The following TRIM26 variants were observed in gnomAD, a reference collection of about 807,000 sequenced individuals.
TRIM26 encodes the protein tripartite motif-containing protein 26.
In TRIM26, 16 loss-of-function variants were observed where a neutral mutation model predicts 45.5. The observed-to-expected ratio is 0.35, with a 90% CI of 0.24 to 0.53. The LOEUF is 0.53. Ranked by LOEUF, TRIM26 falls within the 20% of genes least tolerant of loss-of-function variation. The probability of loss-of-function intolerance (pLI) is 0.92; values close to 1 mark genes in which losing one functional copy is unlikely to be tolerated. For missense variants in TRIM26, 442 were observed against 691.1 expected (o/e 0.64, Z 4.04); for synonymous variants, 273 against 290.4 (o/e 0.94, Z 0.61).
chr6:30,208,878 C>T (rs1321823478), intron 1 of TRIM26, among the ~76,000 whole-genome samples: 3 of 148,064 alleles, frequency 2.0e-5, no homozygotes, highest in South Asian at 4.3e-4. Context: ...TTAATTTTTG[C>T]CACTCTGGAG....
Position 30,189,149 on chromosome 6 carries a change from C to A in TRIM26, c.937+18G>T. 6.2e-7 allele frequency: 1 copy of A among 1,608,898 alleles called. No homozygotes were observed. The highest frequency in any genetic ancestry group is 8.5e-7 in the Non-Finnish European group (1 of 1,178,812). On this transcript the variant is annotated intron_variant, in intron 9 of 9. Coordinates refer to ENST00000454678, the MANE Select transcript of TRIM26 (RefSeq NM_003449.5). This position sits in a 1 kb window ranked among gnomAD's most constrained non-coding sequence, Gnocchi z 5.0. ...CTATATTTGATGTACATCTGGGAAA[C>A]ACCCTCTAGACACTCACCTGTCTTA...
At chr6:30,195,324 G>A (rs1033693539) in intron 6 of TRIM26, among the ~76,000 whole-genome samples, 1 of 152,154 alleles carries the variant, frequency 6.6e-6, no homozygotes, top group Admixed American at 6.5e-5. Flanking sequence ...AGTATGACGA[G>A]AGAAATCTGA....
rs1777803811 is a variant in TRIM26, at chr6:30,207,084, G to C, written c.-375-2319C>G. ...GAAATCATCCGCCGGAGAAAGGGTA[G>C]CGGTGAATTTGAGGAGCTGACAATT... On this transcript the variant is annotated intron_variant, in intron 1 of 9. Transcript: ENST00000454678. This position sits in a 1 kb window ranked among gnomAD's most constrained non-coding sequence, Gnocchi z 4.9. Among the ~76,000 whole-genome samples, 1 of 152,220 alleles carries C rather than the reference G, an allele frequency of 6.6e-6. No individual in the cohort carries two copies. Among genetic ancestry groups the C allele is most frequent in the African/African-American group, 2.4e-5 (1 of 41,462 alleles).
Position 30,190,239 on chromosome 6 carries a change from A to G in TRIM26, c.766-204T>C, listed in dbSNP as rs1309373832. 3.2e-6 allele frequency: 2 copies of G among 625,546 alleles called. No individual in the cohort carries two copies. Among genetic ancestry groups the G allele is most frequent in the Non-Finnish European group, 5.7e-6 (2 of 353,372 alleles). 38.7% of individuals were successfully genotyped at this position (625,546 alleles called of 1,614,324 possible). A position where few individuals can be genotyped will look rare whatever the true frequency, so the allele number is the denominator to read the frequency against. The stretch of plus-strand genomic sequence containing the variant: ...AATCGGCACAATGACAGAAGCCACA[A>G]TGGCTGGGAGATGACATGGGCAACC... On this transcript the variant is annotated intron_variant, in intron 6 of 9. Transcript: ENST00000454678. The surrounding 1 kb of genome is among the most constrained non-coding windows in gnomAD (Gnocchi z 4.3).
rs150602382 is a variant in TRIM26 at position 30,209,389 on chromosome 6, C to T, written c.-376+3916G>A. 4.5e-3 allele frequency among the ~76,000 whole-genome samples: 681 copies of T among 152,208 alleles called. 2 individuals carry two copies. Among genetic ancestry groups the T allele is most frequent in the African/African-American group, 0.012 (480 of 41,498 alleles). On this transcript the variant is annotated intron_variant, in intron 1 of 9. Transcript: ENST00000454678. This position sits in a 1 kb window ranked among gnomAD's most constrained non-coding sequence, Gnocchi z 4.8. Reference sequence around the variant, plus strand: ...TTTGAACATGTCCCCCAAAAGTTCACGTGTTGGAAACGTAATTGCCAATGT... The same window carrying T: ...TTTGAACATGTCCCCCAAAAGTTCATGTGTTGGAAACGTAATTGCCAATGT...
chr6:30,188,884 C>T (rs1483409813), intron 9 of TRIM26, among the ~76,000 whole-genome samples: 1 of 151,958 alleles, frequency 6.6e-6, no homozygotes. Context: ...AGAGAAAGCT[C>T]GGCCACAGGA....
chr6:30,206,354 C>T (rs2021722), intron 1 of TRIM26, among the ~76,000 whole-genome samples: 35,545 of 152,142 alleles, frequency 0.23, 4,715 homozygotes, highest in African/African-American at 0.35. Flanking sequence ...CCCACGGAGC[C>T]GAGCATCAGT....
intron 2 of TRIM26, among the ~76,000 whole-genome samples, chr6:30,203,046 C>CT (rs9278610): frequency 0.01 from 1,357 of 132,818 alleles, 11 homozygotes; most frequent in East Asian, 0.039. Context: ...TCCTCTCTTT[C>CT]TTTTTTTTTT....
intron 1 of TRIM26, among the ~76,000 whole-genome samples, chr6:30,212,947 A>C (rs1417296573): frequency 6.6e-6 from 1 of 151,298 alleles, no homozygotes; most frequent in African/African-American, 2.4e-5. Context: ...AAAGAGAAAG[A>C]AAGCATGACA....
chr6:30,202,559 C>T (rs1241696030), intron 2 of TRIM26, among the ~76,000 whole-genome samples: 3 of 152,212 alleles, frequency 2.0e-5, no homozygotes, highest in African/African-American at 7.2e-5. Context: ...GCGTCATCAG[C>T]AGACGGGGCA....
rs1034757220 is a variant in TRIM26 at position 30,201,117 on chromosome 6, T to G, written c.-244A>C. 6.6e-6 allele frequency: 1 copy of G among 152,210 alleles called. No homozygotes were observed. The highest frequency in any genetic ancestry group is 2.4e-5 in the African/African-American group (1 of 41,446). 9.4% of individuals were successfully genotyped at this position (152,210 alleles called of 1,614,324 possible). The stretch of plus-strand genomic sequence containing the variant: ...ACAACCAGCAGGGCACAGAGGTGAC[T>G]GCGAGGCTGGAATGAAGCAACCTGA... On this transcript the variant is annotated 5_prime_UTR_variant, in exon 3 of 10. Coordinates refer to ENST00000454678, the MANE Select transcript of TRIM26 (RefSeq NM_003449.5).
rs533206437 is a variant in TRIM26, at chr6:30,186,943, G to GA, written c.938-386dup. On this transcript the variant is annotated intron_variant, in intron 9 of 9. Coordinates refer to ENST00000454678, the MANE Select transcript of TRIM26 (RefSeq NM_003449.5). This position sits in a 1 kb window ranked among gnomAD's most constrained non-coding sequence, Gnocchi z 7.4. ...TCTGTTCCATTTTCTTCATAATCCA[G>GA]AAAAAAAGTCCTCTTTTTCAAGTAA... 1.5e-5 allele frequency: 8 copies of GA among 519,872 alleles called. No homozygotes were observed. The highest frequency in any genetic ancestry group is 8.5e-5 in the South Asian group (4 of 47,162). The allele number at this position is 519,872 out of a possible 1,614,324, so 32.2% of individuals were successfully genotyped here.
In TRIM26 at chr6:30,186,607, G is replaced by C; in HGVS notation, c.938-49C>G. On this transcript the variant is annotated intron_variant, in intron 9 of 9. Coordinates refer to ENST00000454678, the MANE Select transcript of TRIM26 (RefSeq NM_003449.5). This position sits in a 1 kb window ranked among gnomAD's most constrained non-coding sequence, Gnocchi z 7.4. ...AAAAACAGCATCACTGTTTTGTTTT[G>C]TTTTTTAAGTCAGAGGGAATAAAAT... The C allele has an allele frequency of 1.3e-6, 2 of 1,482,648 alleles. No individual in the cohort carries two copies. Among genetic ancestry groups the C allele is most frequent in the Non-Finnish European group, 1.8e-6 (2 of 1,121,200 alleles). 91.8% of individuals were successfully genotyped at this position (1,482,648 alleles called of 1,614,324 possible).
chr6:30,187,503 G>T, intron 9 of TRIM26: 1 of 524,498 alleles, frequency 1.9e-6, no homozygotes, highest in Non-Finnish European at 3.9e-6. Flanking sequence ...ATCCCCTTTT[G>T]CAGCTTGATC....
Position 30,190,067 on chromosome 6 carries a change from A to T in TRIM26, c.766-32T>A. The T allele has an allele frequency of 6.2e-7, 1 of 1,612,152 alleles. No individual in the cohort carries two copies. Among genetic ancestry groups the T allele is most frequent in the Non-Finnish European group, 8.5e-7 (1 of 1,179,350 alleles). ...GGGAAAGAAAAAAGCACAAGTATCA[A>T]TATGAATCAAATAAGACTTCAATGC... On this transcript the variant is annotated intron_variant, in intron 6 of 9. Transcript: ENST00000454678. The surrounding 1 kb of genome is among the most constrained non-coding windows in gnomAD (Gnocchi z 4.3).
intron 2 of TRIM26, among the ~76,000 whole-genome samples, 184 bp from the exon 3 acceptor site, chr6:30,201,322 T>C (rs749691267): frequency 5.3e-5 from 8 of 152,136 alleles, no homozygotes; most frequent in Non-Finnish European, 8.8e-5. Context: ...AGTACAATAA[T>C]ACATAAAAAG....
chr6:30,198,200 T>C lies in TRIM26; in HGVS notation c.534+229A>G, dbSNP rs1263264732. Among the ~76,000 whole-genome samples, 2 of 152,226 alleles carry C rather than the reference T, an allele frequency of 1.3e-5. No homozygotes were observed. Among genetic ancestry groups the C allele is most frequent in the African/African-American group, 4.8e-5 (2 of 41,454 alleles). ...CACAGAAAACGGAAGGGACTCTAGC[T>C]GACATCCAGGCAGCCCACTTGTCTC... On this transcript the variant is annotated intron_variant, in intron 5 of 9. Coordinates refer to ENST00000454678, the MANE Select transcript of TRIM26 (RefSeq NM_003449.5). The surrounding 1 kb of genome is among the most constrained non-coding windows in gnomAD (Gnocchi z 6.3).
chr6:30,199,326 T>C (rs1308584992), intron 3 of TRIM26, 62 bp from the exon 4 acceptor site: 37 of 475,210 alleles, frequency 7.8e-5, no homozygotes, highest in Non-Finnish European at 3.3e-5. Context: ...AACTTCCTCA[T>C]TGTACAGATA....
At chr6:30,195,776 G>T (rs1315613536) in intron 6 of TRIM26, among the ~76,000 whole-genome samples, 1 of 152,122 alleles carries the variant, frequency 6.6e-6, no homozygotes, top group Non-Finnish European at 1.5e-5. Flanking sequence ...CCATCAGAGA[G>T]CCCCTCCCCT....
Sources: gnomAD v4.1 joint callset for allele counts (sites outside exome capture counted in the v4.1 genomes callset) on GRCh38, gnomAD v4.1.1 for gene constraint, Gnocchi (gnomAD v3.1) non-coding constraint, MANE v1.5 for transcripts, NCBI Gene and HGNC (gene_info 2026-07-23, HGNC 2026-07-21) for gene names.